Variants in PPP2R2A observed in about 807,000 individuals in gnomAD.
PPP2R2A encodes the protein serine/threonine-protein phosphatase 2A 55 kDa regulatory subunit B alpha isoform.
A neutral mutation model predicts 53.2 loss-of-function variants in PPP2R2A; 9 were observed. The observed-to-expected ratio is 0.17, with a 90% CI of 0.10 to 0.30. The LOEUF is 0.30. Among genes scored for constraint, PPP2R2A ranks in the 10% least tolerant of loss-of-function variants. PPP2R2A has a pLI of 1.00. For missense variants in PPP2R2A, 235 were observed against 534.6 expected, an observed-to-expected ratio of 0.44 and a Z score of 5.53; for synonymous variants, 169 against 174.2, an observed-to-expected ratio of 0.97 and a Z score of 0.23.
intron 2 of PPP2R2A, among the ~76,000 whole-genome samples, chr8:26,320,984 C>T (rs914712555): frequency 6.6e-6 from 1 of 152,038 alleles, no homozygotes; most frequent in Admixed American, 6.6e-5. Flanking sequence ...TACCTAAGCC[C>T]ATGTGTTAAA....
chr8:26,323,880 A>G (rs895913790), intron 2 of PPP2R2A, among the ~76,000 whole-genome samples: 19 of 151,508 alleles, frequency 1.3e-4, no homozygotes, highest in African/African-American at 4.4e-4. Flanking sequence ...CTGAGTTCTG[A>G]CTCCTCTACT....
chr8:26,301,338 GTTT>G (rs529357848), intron 2 of PPP2R2A, among the ~76,000 whole-genome samples: 1 of 126,494 alleles, frequency 7.9e-6, no homozygotes, highest in Non-Finnish European at 1.7e-5. Context: ...TCTTTTTTTT[GTTT>G]TTTTTTTTTG....
chr8:26,366,964 A>C (rs1436230541), intron 9 of PPP2R2A, among the ~76,000 whole-genome samples: 2 of 152,140 alleles, frequency 1.3e-5, no homozygotes, highest in South Asian at 2.1e-4. Flanking sequence ...CCATTATTTA[A>C]AGATAAAATA....
At position 26,370,593 on chromosome 8, in the gene PPP2R2A, G is replaced by A. The variant is rs1805621753; in HGVS notation, c.*180G>A. ...AAAGCTCTGTGGATTCATCACTGTGGTGTTCTCCATGTCTGCTAGCCATTT... is the reference window on the plus strand; with the variant it reads ...AAAGCTCTGTGGATTCATCACTGTGATGTTCTCCATGTCTGCTAGCCATTT... On this transcript the variant is annotated 3_prime_UTR_variant, in exon 10 of 10. Coordinates refer to ENST00000380737, the MANE Select transcript of PPP2R2A (RefSeq NM_002717.4). This position sits in a 1 kb window ranked among gnomAD's most constrained non-coding sequence, Gnocchi z 6.1. The A allele has an allele frequency of 9.8e-6, 7 of 714,070 alleles. No individual in the cohort carries two copies. Among genetic ancestry groups the A allele is most frequent in the Non-Finnish European group, 1.6e-5 (7 of 441,814 alleles). The allele number at this position is 714,070 out of a possible 1,614,324, so 44.2% of individuals were successfully genotyped here. A position where few individuals can be genotyped will look rare whatever the true frequency, so the allele number is the denominator to read the frequency against.
At chr8:26,325,605 A>G (rs1299472994) in intron 2 of PPP2R2A, among the ~76,000 whole-genome samples, 1 of 152,194 alleles carries the variant, frequency 6.6e-6, no homozygotes, top group Admixed American at 6.5e-5. Flanking sequence ...GTACCTGAAC[A>G]TTATTCTTGG....
chr8:26,343,176 A>C (rs1401684465), intron 3 of PPP2R2A, among the ~76,000 whole-genome samples: 1 of 151,958 alleles, frequency 6.6e-6, no homozygotes, highest in African/African-American at 2.4e-5. Context: ...TGTCTCAAAA[A>C]CTAATAATAA....
At chr8:26,309,874 A>G (rs1173392731) in intron 2 of PPP2R2A, among the ~76,000 whole-genome samples, 2 of 152,164 alleles carry the variant, frequency 1.3e-5, no homozygotes, top group Admixed American at 6.5e-5. Context: ...CAATAGTAAT[A>G]TCAAAGATCA....
intron 2 of PPP2R2A, among the ~76,000 whole-genome samples, chr8:26,317,581 C>T (rs944714014): frequency 4.6e-5 from 7 of 152,164 alleles, no homozygotes; most frequent in Non-Finnish European, 1.0e-4. Flanking sequence ...GTTTATTTTA[C>T]TAAATGTACA....
chr8:26,369,471 A>G (rs1028200071), intron 9 of PPP2R2A, among the ~76,000 whole-genome samples: 1 of 151,802 alleles, frequency 6.6e-6, no homozygotes, highest in Non-Finnish European at 1.5e-5. Context: ...GCTCACTGCA[A>G]GCTCCACCTC....
In PPP2R2A at chr8:26,291,795, G is replaced by C. The variant is rs1801307175; in HGVS notation, c.-25G>C. On this transcript the variant is annotated 5_prime_UTR_variant, in exon 1 of 10. Coordinates refer to ENST00000380737, the MANE Select transcript of PPP2R2A (RefSeq NM_002717.4). ...GGAAGCGGAGACCCCGAGGAACCCA[G>C]CAGGGTCACCATTTGCAGCGCAACA... The C allele has an allele frequency of 1.9e-6, 3 of 1,599,536 alleles. No individual in the cohort carries two copies. The East Asian group carries it at 7.0e-5, about 37-fold the overall frequency.
intron 3 of PPP2R2A, among the ~76,000 whole-genome samples, chr8:26,339,486 C>T (rs1429035762): frequency 6.6e-6 from 1 of 152,068 alleles, no homozygotes; most frequent in Non-Finnish European, 1.5e-5. Context: ...CATGTACATG[C>T]ATGTAAAGTA....
Position 26,325,569 on chromosome 8 carries a change from G to A in PPP2R2A, c.83-13321G>A, listed in dbSNP as rs545488738. On this transcript the variant is annotated intron_variant, in intron 2 of 9. Coordinates refer to ENST00000380737, the MANE Select transcript of PPP2R2A (RefSeq NM_002717.4). ...GTAAGATAAGTATCTGCCTATTAAT[G>A]ATATTAGGTGCATTCAGCTGCATAA... Among the ~76,000 whole-genome samples the A allele has an allele frequency of 7.5e-4, 114 of 152,264 alleles. 1 individual carries two copies. Among genetic ancestry groups the A allele is most frequent in the African/African-American group, 2.7e-3 (112 of 41,560 alleles).
intron 2 of PPP2R2A, among the ~76,000 whole-genome samples, chr8:26,297,844 A>G (rs1280884767): frequency 3.3e-5 from 5 of 152,178 alleles, no homozygotes; most frequent in African/African-American, 4.8e-5. Flanking sequence ...TATATTGAGG[A>G]TTTGTCTTTA....
intron 3 of PPP2R2A, among the ~76,000 whole-genome samples, chr8:26,352,621 G>A (rs1804576840): frequency 6.6e-6 from 1 of 152,164 alleles, no homozygotes; most frequent in Non-Finnish European, 1.5e-5. Context: ...TTTATTTCCT[G>A]TTGCAAAGAG....
intron 2 of PPP2R2A, among the ~76,000 whole-genome samples, chr8:26,311,953 C>T (rs559214589): frequency 2.6e-5 from 4 of 152,176 alleles, no homozygotes; most frequent in East Asian, 1.9e-4. Context: ...GTCAGGCACA[C>T]GGAGGCTCTA....
intron 1 of PPP2R2A, chr8:26,292,529 A>T: frequency 1.2e-6 from 1 of 831,954 alleles, no homozygotes; most frequent in Non-Finnish European, 1.4e-6. Context: ...AGGGTTTGGT[A>T]GAGTTAGTTA....
intron 3 of PPP2R2A, among the ~76,000 whole-genome samples, chr8:26,349,651 G>A (rs1161376350): frequency 6.6e-6 from 1 of 152,090 alleles, no homozygotes; most frequent in Non-Finnish European, 1.5e-5. Flanking sequence ...TAAAATACTA[G>A]CAGATTATTA....
chr8:26,319,107 A>G (rs963339556), intron 2 of PPP2R2A, among the ~76,000 whole-genome samples: 2 of 152,094 alleles, frequency 1.3e-5, no homozygotes, highest in East Asian at 1.9e-4. Context: ...GTGGAATCCT[A>G]CAGTATTTGT....
intron 4 of PPP2R2A, among the ~76,000 whole-genome samples, chr8:26,357,103 A>G (rs1804822038): frequency 6.6e-6 from 1 of 152,192 alleles, no homozygotes; most frequent in Non-Finnish European, 1.5e-5. Flanking sequence ...AATCATATGA[A>G]CTGTTGTGTC....
Sources: allele counts gnomAD v4.1 joint callset (sites outside exome capture counted in the v4.1 genomes callset), GRCh38; gene constraint gnomAD v4.1.1; non-coding constraint Gnocchi (gnomAD v3.1); transcripts MANE v1.5; gene names NCBI Gene and HGNC (gene_info 2026-07-23, HGNC 2026-07-21).